INPP5E: variants seen among roughly 807,000 people sequenced by gnomAD.
INPP5E encodes the protein phosphatidylinositol polyphosphate 5-phosphatase type IV.
Under a neutral mutation model 50.5 loss-of-function variants are expected in INPP5E, and 34 were observed. That is an observed-to-expected ratio of 0.67 (90% CI 0.51 to 0.90). INPP5E has a LOEUF of 0.90. Among genes scored for constraint, INPP5E ranks in the 40% least tolerant of loss-of-function variants. The probability of loss-of-function intolerance (pLI) is 0.00; values close to 1 mark genes in which losing one functional copy is unlikely to be tolerated. For missense variants in INPP5E, 942 were observed against 905.5 expected, an observed-to-expected ratio of 1.04 and a Z score of -0.52; for synonymous variants, 447 against 406.0, an observed-to-expected ratio of 1.10 and a Z score of -1.21.
chr9:136,439,633 C>T lies in INPP5E; in HGVS notation c.-214G>A, dbSNP rs1366607921. On this transcript the variant is annotated 5_prime_UTR_variant, in exon 1 of 10. Transcript: ENST00000371712. ...CCTCGGGGCTCCCAGACGCCGTTCC[C>T]AGGGCGGTCCGCAGGCAAGGCCTGG... 3 of 363,668 alleles carry T rather than the reference C, an allele frequency of 8.2e-6. No individual in the cohort carries two copies. The highest frequency in any genetic ancestry group is 1.5e-5 in the Non-Finnish European group (3 of 205,030). 22.5% of individuals were successfully genotyped at this position (363,668 alleles called of 1,614,324 possible). A position where few individuals can be genotyped will look rare whatever the true frequency, so the allele number is the denominator to read the frequency against.
At position 136,428,763 on chromosome 9, in the gene INPP5E, C is replaced by T. The variant is rs754686794; in HGVS notation, c.*912G>A. 7 of 152,534 alleles carry T rather than the reference C, an allele frequency of 4.6e-5. No homozygotes were observed. Among genetic ancestry groups the T allele is most frequent in the Non-Finnish European group, 1.0e-4 (7 of 68,036 alleles). 9.4% of individuals were successfully genotyped at this position (152,534 alleles called of 1,614,324 possible). On this transcript the variant is annotated 3_prime_UTR_variant, in exon 10 of 10. Transcript: ENST00000371712. Reference sequence around the variant, plus strand: ...GAATGGGACACAAAGCAAGAATGAACGGTTCTATACTCTCGAAGAAAGAAA... The same window carrying T: ...GAATGGGACACAAAGCAAGAATGAATGGTTCTATACTCTCGAAGAAAGAAA...
At chr9:136,432,880 G>C (rs1258373873) in intron 5 of INPP5E, 76 bp downstream of exon 5, 1 of 1,558,580 alleles carries the variant, frequency 6.4e-7, no homozygotes, top group African/African-American at 1.4e-5. Context: ...CAGGACCCCT[G>C]CCTTGGACAG....
intron 2 of INPP5E, 49 bp downstream of exon 2, chr9:136,434,691 C>T: frequency 6.4e-7 from 1 of 1,571,226 alleles, no homozygotes; most frequent in Non-Finnish European, 8.6e-7. Context: ...CCGCCTTTGT[C>T]CAGCACCACC....
At chr9:136,436,810 GAA>G (rs1472973794) in intron 1 of INPP5E, 1 of 152,256 alleles carries the variant, frequency 6.6e-6, no homozygotes, top group African/African-American at 2.4e-5. Flanking sequence ...CCCCTTGACA[GAA>G]AGAGTGCGCC....
At position 136,438,674 on chromosome 9, in the gene INPP5E, G is replaced by C. The variant is rs550485638; in HGVS notation, c.746C>G (p.Ser249Cys). ...PRSPLACDDC[S>C]LRSAKSSFSL... ...GAAGGAGGATTTGGCCGAGCGAAGG[G>C]AACAGTCGTCGCAGGCCAGGGGGCT... Residue 249 changes from serine to cysteine, a missense_variant, in exon 1 of 10, where the codon TCC becomes TGC. Transcript: ENST00000371712. 8 of 1,594,240 alleles carry C rather than the reference G, an allele frequency of 5.0e-6. No individual in the cohort carries two copies. The Admixed American group carries it at 5.3e-5, about 11-fold the overall frequency.
intron 1 of INPP5E, chr9:136,436,852 T>G (rs776665531): frequency 1.3e-5 from 2 of 152,212 alleles, no homozygotes; most frequent in Non-Finnish European, 2.9e-5. Context: ...ACCGGAGGTC[T>G]GGAAATGGGA....
intron 5 of INPP5E, 65 bp downstream of exon 5, chr9:136,432,891 G>A (rs760104995): frequency 6.3e-6 from 10 of 1,580,726 alleles, no homozygotes; most frequent in Admixed American, 3.5e-5. Flanking sequence ...CCTTGGACAG[G>A]GTCCCGGTCA....
In INPP5E at chr9:136,438,571, G is replaced by A. The variant is rs762709906; in HGVS notation, c.812+37C>T. On this transcript the variant is annotated intron_variant, in intron 1 of 9. Coordinates refer to ENST00000371712, the MANE Select transcript of INPP5E (RefSeq NM_019892.6). ...CCAGCAGCCTGAACACTACAACGAA[G>A]GCGGCGCGGGCGCTGCACCCGCCAG... The A allele has an allele frequency of 6.7e-6, 10 of 1,491,348 alleles. No individual in the cohort carries two copies. The South Asian group carries it at 1.2e-4, about 18-fold the overall frequency. 92.4% of individuals were successfully genotyped at this position (1,491,348 alleles called of 1,614,324 possible). A position where few individuals can be genotyped will look rare whatever the true frequency, so the allele number is the denominator to read the frequency against.
Position 136,439,474 on chromosome 9 carries a change from T to A in INPP5E, c.-55A>T. 1.5e-6 allele frequency: 2 copies of A among 1,309,588 alleles called. No individual in the cohort carries two copies. The highest frequency in any genetic ancestry group is 3.3e-5 in the Admixed American group (1 of 30,556). The allele number at this position is 1,309,588 out of a possible 1,614,324, so 81.1% of individuals were successfully genotyped here. A position where few individuals can be genotyped will look rare whatever the true frequency, so the allele number is the denominator to read the frequency against. On this transcript the variant is annotated 5_prime_UTR_variant, in exon 1 of 10. The change abolishes the stop of an existing upstream ORF in the 5' untranslated region. Transcript: ENST00000371712. ...GCGAGGCCGCAGGCAGCGCGAGGGG[T>A]CACGGGTGCCGGGTCCGGGGTCGCC...
rs11146013 is a variant in INPP5E at position 136,431,784 on chromosome 9, C to T, written c.1549+40G>A. 1.2e-4 allele frequency: 108 copies of T among 909,012 alleles called. 1 individual carries two copies. The highest frequency in any genetic ancestry group is 4.1e-4 in the African/African-American group (14 of 34,496). 56.3% of individuals were successfully genotyped at this position (909,012 alleles called of 1,614,324 possible). A position where few individuals can be genotyped will look rare whatever the true frequency, so the allele number is the denominator to read the frequency against. ...CGCCCGCCCCCCCAGGCCCTCACCT[C>T]TCCTCATCTCCCTCCATGCCCGCCC... On this transcript the variant is annotated intron_variant, in intron 7 of 9. Transcript: ENST00000371712.
In INPP5E at chr9:136,439,319, T is replaced by C. The variant is rs1418350214; in HGVS notation, c.101A>G (p.Gln34Arg). The change falls in exon 1 of 10, where the codon CAG (glutamine) becomes CGG (arginine). Residue 34 changes from glutamine (Q) to arginine (R), a missense_variant. Transcript: ENST00000371712. ...AGCATCGGGTGGGGACCCCGCGCGC[T>C]GGGCCGGCGGAGCGCCGGGAAGCTG... ...QGQLPGAPPA[Q>R]RAGSPPDAPG... 2.1e-6 allele frequency: 3 copies of C among 1,405,780 alleles called. No homozygotes were observed. The highest frequency in any genetic ancestry group is 5.8e-5 in the East Asian group (2 of 34,268). The allele number at this position is 1,405,780 out of a possible 1,614,324, so 87.1% of individuals were successfully genotyped here.
Position 136,429,443 on chromosome 9 carries a change from A to G in INPP5E, c.*232T>C, listed in dbSNP as rs1481557116. Reference sequence around the variant, plus strand: ...GTCCAAACCCTGCCACCCATGCTGTATGGACCTGCCATGGAGACGGGGGTC... The same window carrying G: ...GTCCAAACCCTGCCACCCATGCTGTGTGGACCTGCCATGGAGACGGGGGTC... On this transcript the variant is annotated 3_prime_UTR_variant, in exon 10 of 10. Coordinates refer to ENST00000371712, the MANE Select transcript of INPP5E (RefSeq NM_019892.6). 7 of 639,324 alleles carry G rather than the reference A, an allele frequency of 1.1e-5. No individual in the cohort carries two copies. The highest frequency in any genetic ancestry group is 1.7e-5 in the Non-Finnish European group (6 of 352,528). The allele number at this position is 639,324 out of a possible 1,614,324, so 39.6% of individuals were successfully genotyped here.
chr9:136,439,586 C>A lies in INPP5E; in HGVS notation c.-167G>T. ...GGGCGGGGGCGGCTGCCGCATGGCC[C>A]GGGCCCCGAGTCCCGCCAGCCCCTC... On this transcript the variant is annotated 5_prime_UTR_variant, in exon 1 of 10. Coordinates refer to ENST00000371712, the MANE Select transcript of INPP5E (RefSeq NM_019892.6). 2.3e-6 allele frequency: 1 copy of A among 432,676 alleles called. No homozygotes were observed. The allele number at this position is 432,676 out of a possible 1,614,324, so 26.8% of individuals were successfully genotyped here. A position where few individuals can be genotyped will look rare whatever the true frequency, so the allele number is the denominator to read the frequency against.
Position 136,433,139 on chromosome 9 carries a change from C to G in INPP5E, c.1159+16G>C, listed in dbSNP as rs1835750750. The G allele has an allele frequency of 6.2e-7, 1 of 1,609,646 alleles. No individual in the cohort carries two copies. Among genetic ancestry groups the G allele is most frequent in the Admixed American group, 1.7e-5 (1 of 59,996 alleles). Reference sequence around the variant, plus strand: ...TGCCACCTTCCAGCCGCGCCCACCCCTCCAGCCGCGCCCACCTGAGCAGAA... The same window carrying G: ...TGCCACCTTCCAGCCGCGCCCACCCGTCCAGCCGCGCCCACCTGAGCAGAA... On this transcript the variant is annotated intron_variant, in intron 4 of 9. Transcript: ENST00000371712.
At position 136,430,418 on chromosome 9, in the gene INPP5E, G is replaced by A. The variant is rs369685858; in HGVS notation, c.1666-5C>T. ...GCTTCTGTACAAGACGCGGTCCTTT[G>A]GGAAGATTGCAGAGGCAGGAGGTCC... On this transcript the variant is annotated splice_region_variant and splice_polypyrimidine_tract_variant and intron_variant, in intron 8 of 9. Transcript: ENST00000371712. 2.6e-6 allele frequency: 4 copies of A among 1,554,720 alleles called. No homozygotes were observed. The highest frequency in any genetic ancestry group is 3.5e-6 in the Non-Finnish European group (4 of 1,148,472).
Position 136,430,393 on chromosome 9 carries a change from G to A in INPP5E, c.1686C>T (p.Ser562=), listed in dbSNP as rs760729838. The A allele has an allele frequency of 2.1e-5, 32 of 1,556,400 alleles. No individual in the cohort carries two copies. The highest frequency in any genetic ancestry group is 3.9e-5 in the Admixed American group (2 of 51,220). The change falls in exon 9 of 10, where the codon AGC becomes AGT. Residue 562 remains serine, a synonymous_variant. Coordinates refer to ENST00000371712, the MANE Select transcript of INPP5E (RefSeq NM_019892.6). ...PSYTDRVLYR[S]RHKGDICPVS... ...CAGGACAGATGTCACCCTTGTGGCG[G>A]CTTCTGTACAAGACGCGGTCCTTTG...
chr9:136,434,665 G>T, intron 2 of INPP5E, 75 bp downstream of exon 2: 1 of 1,541,754 alleles, frequency 6.5e-7, no homozygotes, highest in Non-Finnish European at 8.8e-7. Flanking sequence ...GCACAGAGCT[G>T]CCCCGTCCCC....
In INPP5E at chr9:136,439,779, G is replaced by T. The variant is rs1441546240; in HGVS notation, c.-360C>A. The T allele has an allele frequency of 5.5e-6, 1 of 181,176 alleles. No individual in the cohort carries two copies. The highest frequency in any genetic ancestry group is 2.4e-5 in the African/African-American group (1 of 42,424). The allele number at this position is 181,176 out of a possible 1,614,324, so 11.2% of individuals were successfully genotyped here. A position where few individuals can be genotyped will look rare whatever the true frequency, so the allele number is the denominator to read the frequency against. ...GCTCGCAGACTCCGAAGTCGACCCGGTACTCGCGGAGGCCCGGCCGCCCAG... is the reference window on the plus strand; with the variant it reads ...GCTCGCAGACTCCGAAGTCGACCCGTTACTCGCGGAGGCCCGGCCGCCCAG... On this transcript the variant is annotated 5_prime_UTR_variant, in exon 1 of 10. Coordinates refer to ENST00000371712, the MANE Select transcript of INPP5E (RefSeq NM_019892.6).
chr9:136,432,759 G>A (rs976780717), intron 5 of INPP5E, among the ~76,000 whole-genome samples, 173 bp from the exon 6 acceptor site: 1 of 152,236 alleles, frequency 6.6e-6, no homozygotes, highest in Admixed American at 6.5e-5. Flanking sequence ...ACAGAGCACG[G>A]GCCCAGCACG....
Sources: allele counts gnomAD v4.1 joint callset (sites outside exome capture counted in the v4.1 genomes callset), GRCh38; gene constraint gnomAD v4.1.1; transcripts MANE v1.5; gene names NCBI Gene and HGNC (gene_info 2026-07-23, HGNC 2026-07-21).